The following ZFPM2 variants were observed in gnomAD, a reference collection of about 807,000 sequenced individuals.
The protein encoded by ZFPM2 is zinc finger protein, FOG family member 2.
ZFPM2 carries 20 observed loss-of-function variants against 98.6 expected under a neutral mutation model. The ratio of observed to expected loss-of-function variants is 0.20; its 90% CI spans 0.14 to 0.29. The LOEUF is 0.29. ZFPM2 is among the 10% of genes least tolerant of loss of function. The probability of loss-of-function intolerance (pLI) is 1.00; values close to 1 mark genes in which losing one functional copy is unlikely to be tolerated. For synonymous variants in ZFPM2, 518 were observed against 502.7 expected, an observed-to-expected ratio of 1.03 and a Z score of -0.41; for missense variants, 1,310 against 1,388.6, an observed-to-expected ratio of 0.94 and a Z score of 0.90.
At chr8:105,391,045 T>A (rs1811096923) in intron 1 of ZFPM2, among the ~76,000 whole-genome samples, 1 of 152,204 alleles carries the variant, frequency 6.6e-6, no homozygotes, top group Non-Finnish European at 1.5e-5. Flanking sequence ...GTGATTGCTG[T>A]GGCTCACATT....
Position 105,803,201 on chromosome 8 carries a change from G to C in ZFPM2, c.3119G>C (p.Gly1040Ala). The change falls in exon 8 of 8, where the codon GGA (glycine) becomes GCA (alanine). Residue 1040 changes from glycine to alanine, a missense_variant. Gly to Ala is a moderately conservative substitution (Grantham distance 60, BLOSUM62 0). Coordinates refer to ENST00000407775, the MANE Select transcript of ZFPM2 (RefSeq NM_012082.4). ...CTGCCATTGTTGCCCAAAAATCGAG[G>C]AATGGTAATAGTGAATGGTGGACTG... The part of the protein sequence containing the change: ...DSLPLLPKNR[G>A]MVIVNGGLKQ... 1 of 1,613,764 alleles carries C rather than the reference G, an allele frequency of 6.2e-7. No homozygotes were observed. The highest frequency in any genetic ancestry group is 8.5e-7 in the Non-Finnish European group (1 of 1,179,758).
In ZFPM2 at chr8:105,330,549, T is replaced by TAC. The variant is rs1554594952; in HGVS notation, c.40+11569_40+11570insCA. Among the ~76,000 whole-genome samples, 7 of 69,048 alleles carry TAC rather than the reference T, an allele frequency of 1.0e-4. 1 individual carries two copies. Among genetic ancestry groups the TAC allele is most frequent in the African/African-American group, 3.8e-4 (7 of 18,418 alleles). 45.3% of individuals were successfully genotyped at this position (69,048 alleles called of 152,430 possible). On this transcript the variant is annotated intron_variant, in intron 1 of 7. Coordinates refer to ENST00000407775, the MANE Select transcript of ZFPM2 (RefSeq NM_012082.4). Reference sequence around the variant, plus strand: ...CTCTCTCTCTCTCTCTATATATATATATACATATATATATATATACATATA... The same window carrying TAC: ...CTCTCTCTCTCTCTCTATATATATATACATACATATATATATATATACATATA...
chr8:105,365,556 C>T (rs901372833), intron 1 of ZFPM2, among the ~76,000 whole-genome samples: 4 of 152,180 alleles, frequency 2.6e-5, no homozygotes, highest in African/African-American at 9.6e-5. Context: ...AAAGAATTCT[C>T]TGATACATTT....
chr8:105,501,184 CTTTTTT>C (rs147662695), intron 3 of ZFPM2, among the ~76,000 whole-genome samples: 1 of 127,400 alleles, frequency 7.8e-6, no homozygotes, highest in Admixed American at 7.7e-5. Context: ...TTACTTTTCT[CTTTTTT>C]TTTTTTTTTT....
chr8:105,400,763 A>C (rs1811324254), intron 1 of ZFPM2, among the ~76,000 whole-genome samples: 1 of 152,068 alleles, frequency 6.6e-6, no homozygotes, highest in Non-Finnish European at 1.5e-5. Flanking sequence ...GCCACTAGTC[A>C]CATATAGATA....
chr8:105,426,612 G>A (rs1438768914), intron 2 of ZFPM2, among the ~76,000 whole-genome samples: 1 of 152,014 alleles, frequency 6.6e-6, no homozygotes, highest in East Asian at 1.9e-4. Flanking sequence ...ATATAGCCAT[G>A]CAAAATGAGA....
chr8:105,761,545 A>T (rs1269142017), intron 5 of ZFPM2, among the ~76,000 whole-genome samples: 3 of 151,904 alleles, frequency 2.0e-5, no homozygotes, highest in Admixed American at 6.6e-5. Context: ...CTATGTATTT[A>T]TCTGGGAAGG....
At chr8:105,494,342 T>C (rs1169469833) in intron 3 of ZFPM2, among the ~76,000 whole-genome samples, 3 of 151,294 alleles carry the variant, frequency 2.0e-5, no homozygotes, top group African/African-American at 7.3e-5. Context: ...TTCCGCACGC[T>C]TAAGACCCAG....
intron 4 of ZFPM2, among the ~76,000 whole-genome samples, chr8:105,599,892 A>G (rs1339930110): frequency 2.0e-5 from 3 of 151,902 alleles, no homozygotes; most frequent in Non-Finnish European, 4.4e-5. Context: ...AAAATTCTCC[A>G]CCTCTTAAGA....
chr8:105,508,481 G>T (rs1034706544), intron 3 of ZFPM2, among the ~76,000 whole-genome samples: 4 of 152,014 alleles, frequency 2.6e-5, no homozygotes, highest in Non-Finnish European at 5.9e-5. Context: ...TATTTCTCTC[G>T]TAACAATTAA....
At chr8:105,662,001 A>G (rs1166612134) in intron 5 of ZFPM2, among the ~76,000 whole-genome samples, 1 of 152,200 alleles carries the variant, frequency 6.6e-6, no homozygotes, top group East Asian at 1.9e-4. Flanking sequence ...AGCATGAGAA[A>G]TGATACATCC....
intron 1 of ZFPM2, among the ~76,000 whole-genome samples, chr8:105,330,605 T>C (rs1367875957): frequency 1.2e-4 from 3 of 24,472 alleles, no homozygotes; most frequent in East Asian, 4.1e-3. Context: ...CATATATATA[T>C]ATATACACAT....
At position 105,623,057 on chromosome 8, in the gene ZFPM2, TAAAC is replaced by T. The variant is rs137989718; in HGVS notation, c.421-11187_421-11184del. Among the ~76,000 whole-genome samples, 460 of 152,264 alleles carry T rather than the reference TAAAC, an allele frequency of 3.0e-3. 4 individuals are homozygous for T. Among genetic ancestry groups the T allele is most frequent in the Non-Finnish European group, 4.7e-3 (320 of 67,992 alleles). On this transcript the variant is annotated intron_variant, in intron 4 of 7. Transcript: ENST00000407775. ...TGGAAGAAGTTTTACTTTAGATACTTAAACATTTATAATATTTCTGTTACTAAAA... is the reference window on the plus strand; with the variant it reads ...TGGAAGAAGTTTTACTTTAGATACTTATTTATAATATTTCTGTTACTAAAA...
intron 3 of ZFPM2, among the ~76,000 whole-genome samples, chr8:105,502,972 G>C (rs2130478053): frequency 6.6e-6 from 1 of 152,206 alleles, no homozygotes; most frequent in African/African-American, 2.4e-5. Context: ...GAATTGGACT[G>C]GTATAGAGGC....
chr8:105,670,489 C>A (rs1220766434), intron 5 of ZFPM2, among the ~76,000 whole-genome samples: 1 of 118,064 alleles, frequency 8.5e-6, no homozygotes, highest in East Asian at 2.3e-4. Flanking sequence ...GAGCGAGAGT[C>A]CATCTCAAAA....
chr8:105,661,338 G>A (rs1817384419), intron 5 of ZFPM2, among the ~76,000 whole-genome samples: 1 of 152,192 alleles, frequency 6.6e-6, no homozygotes, highest in Non-Finnish European at 1.5e-5. Context: ...TCATTTTTCA[G>A]TTTTATTCAA....
intron 6 of ZFPM2, chr8:105,797,269 C>T (rs1813858239): frequency 6.6e-6 from 1 of 152,154 alleles, no homozygotes; most frequent in Non-Finnish European, 1.5e-5. Flanking sequence ...AAGAAATTTA[C>T]CATGAGTGAA....
rs537730080 is a variant in ZFPM2, at chr8:105,598,466, T to A, written c.421-35780T>A. Among the ~76,000 whole-genome samples, 4 of 152,174 alleles carry A rather than the reference T, an allele frequency of 2.6e-5. No homozygotes were observed. The East Asian group carries it at 7.7e-4, about 29-fold the overall frequency. On this transcript the variant is annotated intron_variant, in intron 4 of 7. Transcript: ENST00000407775. ...AATGATAATCACCATCTCTTAGCTTTGCTTCATCAAATTGTTTCAATGTGA... is the reference window on the plus strand; with the variant it reads ...AATGATAATCACCATCTCTTAGCTTAGCTTCATCAAATTGTTTCAATGTGA...
intron 5 of ZFPM2, among the ~76,000 whole-genome samples, chr8:105,656,677 G>T (rs150837735): frequency 4.7e-4 from 71 of 152,312 alleles, no homozygotes; most frequent in African/African-American, 1.6e-3. Context: ...TGTGTCAATA[G>T]AAGAATCTCA....
Sources: allele counts gnomAD v4.1 joint callset (sites outside exome capture counted in the v4.1 genomes callset), GRCh38; gene constraint gnomAD v4.1.1; transcripts MANE v1.5; gene names NCBI Gene and HGNC (gene_info 2026-07-23, HGNC 2026-07-21).